The following SLC8A3 variants were observed in gnomAD, a reference collection of about 807,000 sequenced individuals.
The protein encoded by SLC8A3 is sodium/calcium exchanger 3.
In SLC8A3, 37 loss-of-function variants were observed where a neutral mutation model predicts 65.4. The observed-to-expected ratio is 0.57, with a 90% CI of 0.44 to 0.74. The LOEUF is 0.74. Ranked by LOEUF, SLC8A3 falls within the 30% of genes least tolerant of loss-of-function variation. The pLI is 0.00. For synonymous variants in SLC8A3, 461 were observed against 444.5 expected, an observed-to-expected ratio of 1.04 and a Z score of -0.47; for missense variants, 1,112 against 1,172.1, an observed-to-expected ratio of 0.95 and a Z score of 0.75.
chr14:70,118,346 C>T (rs1374143505), intron 2 of SLC8A3, among the ~76,000 whole-genome samples: 6 of 152,172 alleles, frequency 3.9e-5, no homozygotes, highest in South Asian at 4.2e-4. Context: ...TGACACCTTG[C>T]GTTCTTTTCT....
At chr14:70,086,376 CTTTTCTTTTTTCT>C (rs1280733718) in intron 2 of SLC8A3, among the ~76,000 whole-genome samples, 54 of 149,214 alleles carry the variant, frequency 3.6e-4, no homozygotes, top group African/African-American at 1.1e-3. Flanking sequence ...TAATTTCTTT[CTTTTCTTTTTTCT>C]TTTTCTTTTT....
intron 2 of SLC8A3, among the ~76,000 whole-genome samples, chr14:70,068,875 T>G (rs966669072): frequency 1.3e-5 from 2 of 152,148 alleles, no homozygotes; most frequent in African/African-American, 4.8e-5. Context: ...TACAGGCACC[T>G]GCCACCATGC....
intron 1 of SLC8A3, among the ~76,000 whole-genome samples, chr14:70,185,096 A>G (rs1883082833): frequency 1.3e-5 from 2 of 151,572 alleles, no homozygotes; most frequent in East Asian, 1.9e-4. Flanking sequence ...CCTCCTGAGT[A>G]AGTGGGATTA....
At chr14:70,155,896 T>C (rs1261732270) in intron 2 of SLC8A3, among the ~76,000 whole-genome samples, 1 of 152,244 alleles carries the variant, frequency 6.6e-6, no homozygotes, top group Admixed American at 6.5e-5. Flanking sequence ...ACCCCCAAAA[T>C]AGAAAGTTTA....
intron 2 of SLC8A3, 151 bp downstream of exon 2, chr14:70,166,488 T>G: frequency 1.7e-6 from 1 of 588,854 alleles, no homozygotes. Flanking sequence ...ACCTGTCCAG[T>G]GGTGTCTGCT....
At chr14:70,125,293 C>A (rs1421316300) in intron 2 of SLC8A3, among the ~76,000 whole-genome samples, 1 of 152,060 alleles carries the variant, frequency 6.6e-6, no homozygotes, top group South Asian at 2.1e-4. Flanking sequence ...ACGTTGTACT[C>A]ATTAAGTAAT....
intron 2 of SLC8A3, among the ~76,000 whole-genome samples, chr14:70,155,262 A>AT (rs58308093): frequency 1.3e-5 from 2 of 151,050 alleles, no homozygotes; most frequent in African/African-American, 2.4e-5. Context: ...AATCCTGTCT[A>AT]TTTTTTTTTA....
At chr14:70,147,264 A>G (rs549878877) in intron 2 of SLC8A3, among the ~76,000 whole-genome samples, 1 of 152,302 alleles carries the variant, frequency 6.6e-6, no homozygotes, top group African/African-American at 2.4e-5. Flanking sequence ...AGCCTATTCT[A>G]TCTCATTTAG....
At chr14:70,178,406 A>G (rs1166150720) in intron 1 of SLC8A3, among the ~76,000 whole-genome samples, 1 of 152,202 alleles carries the variant, frequency 6.6e-6, no homozygotes, top group East Asian at 1.9e-4. Context: ...ATCAGTATCT[A>G]AGTGTAAGCA....
At chr14:70,130,283 C>T (rs1249445509) in intron 2 of SLC8A3, among the ~76,000 whole-genome samples, 1 of 152,224 alleles carries the variant, frequency 6.6e-6, no homozygotes, top group East Asian at 1.9e-4. Context: ...TAACTTTTCT[C>T]AACTCACCTG....
At chr14:70,063,930 C>G (rs1478129450) in intron 2 of SLC8A3, 1 of 1,562,180 alleles carries the variant, frequency 6.4e-7, no homozygotes, top group South Asian at 1.1e-5. Context: ...AATTGTTTTG[C>G]TGTGGATGGA....
intron 2 of SLC8A3, among the ~76,000 whole-genome samples, chr14:70,141,239 A>T (rs1895552193): frequency 6.6e-6 from 1 of 152,198 alleles, no homozygotes; most frequent in Non-Finnish European, 1.5e-5. Context: ...AGAGCTTATC[A>T]TTGCACAGAC....
At chr14:70,094,661 T>C (rs1436811622) in intron 2 of SLC8A3, among the ~76,000 whole-genome samples, 1 of 152,220 alleles carries the variant, frequency 6.6e-6, no homozygotes, top group Admixed American at 6.5e-5. Context: ...GGGTTCAGTT[T>C]GTCAGCCTGC....
intron 2 of SLC8A3, among the ~76,000 whole-genome samples, chr14:70,126,329 AC>A (rs1894440833): frequency 6.6e-6 from 1 of 152,160 alleles, no homozygotes; most frequent in African/African-American, 2.4e-5. Flanking sequence ...TACACAGTCA[AC>A]ATTTTCTCTT....
chr14:70,099,059 C>T (rs1301504383), intron 2 of SLC8A3, among the ~76,000 whole-genome samples: 1 of 152,192 alleles, frequency 6.6e-6, no homozygotes, highest in Non-Finnish European at 1.5e-5. Context: ...TTTCATCTCA[C>T]CAGAGCAGGG....
chr14:70,055,684 G>A (rs1449920987), intron 3 of SLC8A3: 9 of 841,828 alleles, frequency 1.1e-5, no homozygotes, highest in Non-Finnish European at 9.1e-6. Context: ...AAATTGTCAG[G>A]TTAACTTGAG....
At chr14:70,152,344 T>C (rs534948242) in intron 2 of SLC8A3, among the ~76,000 whole-genome samples, 15 of 152,226 alleles carry the variant, frequency 9.9e-5, no homozygotes, top group African/African-American at 3.6e-4. Context: ...ACCAGAGAAA[T>C]CTTAACCAGA....
At chr14:70,161,272 G>C (rs1204601793) in intron 2 of SLC8A3, among the ~76,000 whole-genome samples, 1 of 104,078 alleles carries the variant, frequency 9.6e-6, no homozygotes, top group Non-Finnish European at 1.7e-5. Flanking sequence ...CTGGGCGACA[G>C]AGCGAGACTC....
intron 2 of SLC8A3, among the ~76,000 whole-genome samples, chr14:70,128,120 G>C (rs1894597999): frequency 6.6e-6 from 1 of 152,144 alleles, no homozygotes; most frequent in South Asian, 2.1e-4. Context: ...TATACATCCT[G>C]TTATGATGGA....
Sources: allele counts gnomAD v4.1 joint callset (sites outside exome capture counted in the v4.1 genomes callset), GRCh38; gene constraint gnomAD v4.1.1; transcripts MANE v1.5; gene names NCBI Gene and HGNC (gene_info 2026-07-23, HGNC 2026-07-21).